Variants in WDFY4 observed in about 807,000 individuals in gnomAD.
WDFY4 encodes the protein WD repeat- and FYVE domain-containing protein 4.
Under a neutral mutation model 351.9 loss-of-function variants are expected in WDFY4, and 169 were observed. The ratio of observed to expected loss-of-function variants is 0.48; its 90% CI spans 0.42 to 0.55. The LOEUF (loss-of-function observed/expected upper bound fraction) is 0.55. WDFY4 is among the 20% of genes least tolerant of loss of function. WDFY4 has a pLI of 0.00. For missense variants in WDFY4, 3,803 were observed against 3,935.6 expected (o/e 0.97, Z 0.90); for synonymous variants, 1,622 against 1,574.6 (o/e 1.03, Z -0.71).
intron 39 of WDFY4, among the ~76,000 whole-genome samples, chr10:48,836,148 G>GC (rs2068385236): frequency 6.6e-6 from 1 of 152,180 alleles, no homozygotes; most frequent in Non-Finnish European, 1.5e-5. Context: ...TCAACTATTT[G>GC]CCCTGGGGTC....
At chr10:48,817,979 G>C (rs1190539359) in intron 32 of WDFY4, among the ~76,000 whole-genome samples, 1 of 152,236 alleles carries the variant, frequency 6.6e-6, no homozygotes, top group Non-Finnish European at 1.5e-5. Context: ...GAAGACATGT[G>C]AGTTTGAGGC....
At position 48,778,720 on chromosome 10, in the gene WDFY4, G is replaced by A. The variant is rs373263174; in HGVS notation, c.3285G>A (p.Leu1095=). The part of the protein sequence containing the change: ...TEGHPLRFLT[L]VRHLARTEQP... Reference sequence around the variant, plus strand: ...GCCACCCGCTGCGCTTCCTGACGTTGGTGCGCCACCTGGCCAGGACTGAGC... The same window carrying A: ...GCCACCCGCTGCGCTTCCTGACGTTAGTGCGCCACCTGGCCAGGACTGAGC... The change falls in exon 18 of 62, where the codon TTG becomes TTA. Residue 1095 remains leucine, a synonymous_variant. Transcript: ENST00000325239. 52 of 1,551,650 alleles carry A rather than the reference G, an allele frequency of 3.4e-5. No individual in the cohort carries two copies. In the African/African-American group the frequency reaches 4.9e-4, roughly 15 times the overall value.
intron 47 of WDFY4, among the ~76,000 whole-genome samples, chr10:48,936,625 C>T (rs1171192425): frequency 6.6e-6 from 1 of 151,818 alleles, no homozygotes; most frequent in Non-Finnish European, 1.5e-5. Flanking sequence ...ATCACAAGGT[C>T]TGGAGATCGA....
At chr10:48,934,066 A>G (rs7078483) in intron 47 of WDFY4, among the ~76,000 whole-genome samples, 4,931 of 152,218 alleles carry the variant, frequency 0.032, 263 homozygotes, top group African/African-American at 0.11. Context: ...CAAACCCAGA[A>G]GGCATGTGAT....
chr10:48,775,579 T>A, intron 14 of WDFY4, 133 bp from the exon 15 acceptor site: 1 of 811,466 alleles, frequency 1.2e-6, no homozygotes, highest in South Asian at 1.7e-5. Context: ...CCACATTGCT[T>A]TCAGAAAGGG....
At chr10:48,934,756 T>C (rs1463481733) in intron 47 of WDFY4, among the ~76,000 whole-genome samples, 2 of 152,164 alleles carry the variant, frequency 1.3e-5, no homozygotes, top group African/African-American at 4.8e-5. Context: ...TTAGTTTCCT[T>C]AGAGGGGTGA....
chr10:48,969,353 C>G (rs1375735923), intron 56 of WDFY4, 105 bp downstream of exon 56: 9 of 1,359,738 alleles, frequency 6.6e-6, no homozygotes, highest in Non-Finnish European at 9.0e-6. Flanking sequence ...ACCTCGCTCA[C>G]TTTCCCTACA....
chr10:48,756,467 A>G (rs1469094432), intron 12 of WDFY4, among the ~76,000 whole-genome samples: 1 of 151,782 alleles, frequency 6.6e-6, no homozygotes, highest in East Asian at 1.9e-4. Flanking sequence ...GACTAGTGCC[A>G]GTTTTTGGTC....
intron 47 of WDFY4, among the ~76,000 whole-genome samples, chr10:48,922,944 C>A (rs1182145664): frequency 6.6e-6 from 1 of 152,120 alleles, no homozygotes; most frequent in African/African-American, 2.4e-5. Context: ...GGTGTCACTG[C>A]CTGCACCCTG....
At chr10:48,886,690 G>T (rs909464114) in intron 43 of WDFY4, among the ~76,000 whole-genome samples, 4 of 152,114 alleles carry the variant, frequency 2.6e-5, no homozygotes, top group Admixed American at 6.6e-5. Context: ...TACCCAGTCT[G>T]GGGTATTCTG....
intron 34 of WDFY4, among the ~76,000 whole-genome samples, chr10:48,821,668 T>C (rs1287770983): frequency 6.6e-6 from 1 of 152,214 alleles, no homozygotes; most frequent in Admixed American, 6.5e-5. Flanking sequence ...TCAACAAGCC[T>C]AAACAAAAGC....
chr10:48,898,683 C>T (rs1043558084), intron 45 of WDFY4, among the ~76,000 whole-genome samples: 2 of 152,192 alleles, frequency 1.3e-5, no homozygotes, highest in Non-Finnish European at 2.9e-5. Flanking sequence ...CAGCTCCACT[C>T]TAGCCCTCTA....
chr10:48,739,438 T>C (rs17771583), intron 11 of WDFY4, among the ~76,000 whole-genome samples: 13,963 of 152,288 alleles, frequency 0.092, 769 homozygotes, highest in East Asian at 0.19. Flanking sequence ...TGATGCATTA[T>C]CATGCAAAGT....
Position 48,776,748 on chromosome 10 carries a change from A to G in WDFY4, c.2864-2A>G. ...CATCTCTTCTCTTGCTTGCTGCCCT[A>G]GGGTCACAGACTGCACAGGGCTTGG... On this transcript the variant is annotated splice_acceptor_variant, in intron 15 of 61. Coordinates refer to ENST00000325239, the MANE Select transcript of WDFY4 (RefSeq NM_001394531.1). LOFTEE classifies it high-confidence loss of function. The G allele has an allele frequency of 2.0e-6, 3 of 1,531,232 alleles. No individual in the cohort carries two copies. Among genetic ancestry groups the G allele is most frequent in the African/African-American group, 1.4e-5 (1 of 72,578 alleles). The allele number at this position is 1,531,232 out of a possible 1,614,324, so 94.9% of individuals were successfully genotyped here.
At chr10:48,843,751 T>A (rs1425521807) in intron 39 of WDFY4, among the ~76,000 whole-genome samples, 1 of 152,210 alleles carries the variant, frequency 6.6e-6, no homozygotes, top group Admixed American at 6.5e-5. Context: ...GACTTCCCAA[T>A]GTAAGATGTA....
At chr10:48,686,710 CAGTATTCTATTAGATG>C (rs1237579214) in intron 1 of WDFY4, among the ~76,000 whole-genome samples, 1 of 152,100 alleles carries the variant, frequency 6.6e-6, no homozygotes, top group African/African-American at 2.4e-5. Context: ...TTCTGCAGTA[CAGTATTCTATTAGATG>C]AGTGTACCTC....
intron 47 of WDFY4, among the ~76,000 whole-genome samples, chr10:48,934,226 G>A (rs1226541227): frequency 6.6e-6 from 1 of 152,218 alleles, no homozygotes; most frequent in East Asian, 1.9e-4. Context: ...ATAAATGTAT[G>A]GAGAATTTAT....
rs1175840094 is a variant in WDFY4, at chr10:48,963,966, A to G, written c.8348A>G (p.Asp2783Gly). 6.4e-7 allele frequency: 1 copy of G among 1,550,948 alleles called. No individual in the cohort carries two copies. The highest frequency in any genetic ancestry group is 1.4e-5 in the African/African-American group (1 of 73,010). ...VNIFHPYFYG[D>G]RMDLSSITDP... ...ATCTTCCACCCCTACTTCTACGGTG[A>G]CAGAATGGACCTCAGCAGCATCACT... Residue 2783 changes from aspartate (D) to glycine (G), a missense_variant, in exon 54 of 62, where the codon GAC becomes GGC. Asp to Gly is a moderately conservative substitution (Grantham distance 94). This residue lies in a region of WDFY4 where 3,054 missense variants were observed against 3,148.6 expected (regional missense o/e 0.97). Coordinates refer to ENST00000325239, the MANE Select transcript of WDFY4 (RefSeq NM_001394531.1).
chr10:48,876,247 A>G (rs1030499376), intron 42 of WDFY4, among the ~76,000 whole-genome samples: 1 of 152,242 alleles, frequency 6.6e-6, no homozygotes, highest in Non-Finnish European at 1.5e-5. Context: ...ACTTTCAATC[A>G]TCCAGTACAG....
Sources: allele counts gnomAD v4.1 joint callset (sites outside exome capture counted in the v4.1 genomes callset), GRCh38; gene constraint gnomAD v4.1.1; regional missense constraint gnomAD v4.1.1; transcripts MANE v1.5; gene names NCBI Gene and HGNC (gene_info 2026-07-23, HGNC 2026-07-21).